Variants in SBK1 observed in about 807,000 individuals in gnomAD.
SBK1 encodes SH3 domain binding kinase 1.
SBK1 carries 11 observed loss-of-function variants against 24.4 expected under a neutral mutation model. That is an observed-to-expected ratio of 0.45 (90% CI 0.28 to 0.75). The LOEUF (loss-of-function observed/expected upper bound fraction) is 0.75, where lower values mean the gene tolerates loss of function less well. SBK1 is among the 30% of genes least tolerant of loss of function. The probability of loss-of-function intolerance (pLI) is 0.12; values close to 1 mark genes in which losing one functional copy is unlikely to be tolerated. For synonymous variants in SBK1, 308 were observed against 284.4 expected (o/e 1.08, Z -0.83); for missense variants, 467 against 620.5 (o/e 0.75, Z 2.63).
At chr16:28,302,078 G>T (rs2141581289) in intron 1 of SBK1, among the ~76,000 whole-genome samples, 1 of 152,356 alleles carries the variant, frequency 6.6e-6, no homozygotes, top group East Asian at 1.9e-4. Flanking sequence ...CCCTGCTGTT[G>T]TGTGTAGAAG....
intron 1 of SBK1, among the ~76,000 whole-genome samples, chr16:28,298,388 CAG>C (rs1262322940): frequency 1.3e-5 from 2 of 152,206 alleles, no homozygotes; most frequent in East Asian, 1.9e-4. Context: ...ACGTTAACCC[CAG>C]AGTCAGGATT....
At chr16:28,261,703 G>A (rs2141556152) in intron 1 of SBK1, among the ~76,000 whole-genome samples, 1 of 152,326 alleles carries the variant, frequency 6.6e-6, no homozygotes, top group Admixed American at 6.5e-5. Flanking sequence ...CCCAGACCCT[G>A]CATCGGAGAT....
Position 28,293,207 on chromosome 16 carries a change from T to G in SBK1, c.-101T>G. ...GCGGCACCGCTTGCACCCCGGTCCA[T>G]GGTCGTGGCGCCCTGAGCCCCCGGG... On this transcript the variant is annotated 5_prime_UTR_variant, in exon 1 of 4. The change abolishes an upstream ATG in the 5' untranslated region. Coordinates refer to ENST00000341901, the MANE Select transcript of SBK1 (RefSeq NM_001024401.3). 1 of 985,384 alleles carries G rather than the reference T, an allele frequency of 1.0e-6. No individual in the cohort carries two copies. Among genetic ancestry groups the G allele is most frequent in the Non-Finnish European group, 1.2e-6 (1 of 829,954 alleles). 61.0% of individuals were successfully genotyped at this position (985,384 alleles called of 1,614,324 possible). A position where few individuals can be genotyped will look rare whatever the true frequency, so the allele number is the denominator to read the frequency against.
In SBK1 at chr16:28,320,900, G is replaced by C; in HGVS notation, c.1254G>C (p.Thr418=). ...DKSKGQVVLA[T]AIEICV The stretch of plus-strand genomic sequence containing the variant: ...GCAAAGGGCAGGTGGTGCTGGCCAC[G>C]GCCATCGAGATCTGCGTCTGAGTCG... Residue 418 remains threonine (T), a synonymous_variant, in exon 4 of 4, where the codon ACG becomes ACC. Transcript: ENST00000341901. This position sits in a 1 kb window ranked among gnomAD's most constrained non-coding sequence, Gnocchi z 8.5. 3 of 1,493,990 alleles carry C rather than the reference G, an allele frequency of 2.0e-6. No homozygotes were observed. The highest frequency in any genetic ancestry group is 2.7e-6 in the Non-Finnish European group (3 of 1,126,708). The allele number at this position is 1,493,990 out of a possible 1,614,324, so 92.5% of individuals were successfully genotyped here. A position where few individuals can be genotyped will look rare whatever the true frequency, so the allele number is the denominator to read the frequency against.
intron 1 of SBK1, among the ~76,000 whole-genome samples, chr16:28,316,632 G>T (rs185441152): frequency 3.9e-4 from 59 of 152,148 alleles, no homozygotes; most frequent in Admixed American, 7.2e-4. Flanking sequence ...GGCATGATAG[G>T]TGCAGCAAAC....
At chr16:28,316,476 G>A (rs2044796946) in intron 1 of SBK1, among the ~76,000 whole-genome samples, 1 of 152,076 alleles carries the variant, frequency 6.6e-6, no homozygotes, top group Admixed American at 6.5e-5. Flanking sequence ...GTCAGTACTT[G>A]TGAATAAGCT....
chr16:28,290,571 G>T (rs1370186451), upstream of SBK1: 7 of 152,286 alleles, frequency 4.6e-5, no homozygotes, highest in Non-Finnish European at 1.0e-4. Context: ...GCAGGCAGAG[G>T]TTGCGGTGAG....
At chr16:28,280,149 A>ATATATATATATATATATGTGTG (rs1230385223) in intron 1 of SBK1, among the ~76,000 whole-genome samples, 2 of 39,414 alleles carry the variant, frequency 5.1e-5, no homozygotes, top group African/African-American at 1.6e-4. Context: ...ATATATATAT[A>ATATATATATATATATATGTGTG]TGTGTGTGTG....
Position 28,293,192 on chromosome 16 carries a change from T to C in SBK1, c.-116T>C. The C allele has an allele frequency of 1.0e-6, 1 of 985,480 alleles. No individual in the cohort carries two copies. The highest frequency in any genetic ancestry group is 1.2e-6 in the Non-Finnish European group (1 of 829,978). The allele number at this position is 985,480 out of a possible 1,614,324, so 61.0% of individuals were successfully genotyped here. On this transcript the variant is annotated 5_prime_UTR_variant, in exon 1 of 4. Coordinates refer to ENST00000341901, the MANE Select transcript of SBK1 (RefSeq NM_001024401.3). ...GCGACTGAGCCCCTGGCGGCACCGC[T>C]TGCACCCCGGTCCATGGTCGTGGCG...
chr16:28,311,853 A>G (rs901178227), intron 1 of SBK1, among the ~76,000 whole-genome samples: 1 of 152,256 alleles, frequency 6.6e-6, no homozygotes, highest in Non-Finnish European at 1.5e-5. Flanking sequence ...GATCCAGCCC[A>G]GCCCTTCCCA....
At chr16:28,274,249 GT>G (rs908757723) in intron 1 of SBK1, among the ~76,000 whole-genome samples, 3 of 152,210 alleles carry the variant, frequency 2.0e-5, no homozygotes, top group Non-Finnish European at 4.4e-5. Context: ...TGGTTCATCA[GT>G]TTTAACAAGT....
At chr16:28,275,362 A>G (rs939301648) in intron 1 of SBK1, among the ~76,000 whole-genome samples, 1 of 152,126 alleles carries the variant, frequency 6.6e-6, no homozygotes, top group Admixed American at 6.6e-5. Context: ...TTGATTCTAA[A>G]CAATGGGCAT....
chr16:28,308,380 A>G (rs1251258863), intron 1 of SBK1, among the ~76,000 whole-genome samples: 2 of 139,004 alleles, frequency 1.4e-5, no homozygotes, highest in African/African-American at 2.7e-5. Flanking sequence ...CAAACTCCTG[A>G]TCTCAAGTGA....
intron 1 of SBK1, among the ~76,000 whole-genome samples, chr16:28,278,935 G>A (rs891605070): frequency 1.3e-5 from 2 of 152,120 alleles, no homozygotes; most frequent in African/African-American, 4.8e-5. Context: ...ACATTAGAAA[G>A]GAAAAAAGGG....
chr16:28,310,207 G>A (rs898679980), intron 1 of SBK1, among the ~76,000 whole-genome samples: 1 of 152,194 alleles, frequency 6.6e-6, no homozygotes, highest in Non-Finnish European at 1.5e-5. Flanking sequence ...TGAGGTGTGT[G>A]CGCCCTTCCT....
chr16:28,293,908 G>A (rs186917796), intron 1 of SBK1, among the ~76,000 whole-genome samples: 1 of 152,268 alleles, frequency 6.6e-6, no homozygotes, highest in East Asian at 1.9e-4. Context: ...TACTCCCTGT[G>A]GGACAGGGAG....
chr16:28,261,478 C>CACACACA, intron 1 of SBK1, among the ~76,000 whole-genome samples: 1 of 138,076 alleles, frequency 7.2e-6, no homozygotes, highest in South Asian at 2.4e-4. Context: ...CACACACACA[C>CACACACA]AATTAGCCAG....
At chr16:28,280,360 T>A (rs2044526670) in intron 1 of SBK1, among the ~76,000 whole-genome samples, 1 of 145,674 alleles carries the variant, frequency 6.9e-6, no homozygotes, top group Non-Finnish European at 1.5e-5. Context: ...AATATATATA[T>A]ATATATTTGT....
intron 1 of SBK1, among the ~76,000 whole-genome samples, chr16:28,279,434 AC>A (rs5816467): frequency 2.7e-5 from 4 of 147,694 alleles, no homozygotes; most frequent in African/African-American, 1.0e-4. Context: ...AAAAAAAAAA[AC>A]CACCATCACA....
Sources: allele counts gnomAD v4.1 joint callset (sites outside exome capture counted in the v4.1 genomes callset), GRCh38; gene constraint gnomAD v4.1.1; non-coding constraint Gnocchi (gnomAD v3.1); transcripts MANE v1.5; gene names NCBI Gene and HGNC (gene_info 2026-07-23, HGNC 2026-07-21).